Variants in AK4 observed in about 807,000 individuals in gnomAD.
The protein encoded by AK4 is adenylate kinase 4, also known as adenylate kinase 4, mitochondrial.
A neutral mutation model predicts 24.6 loss-of-function variants in AK4; 13 were observed. The ratio of observed to expected loss-of-function variants is 0.53; its 90% CI spans 0.34 to 0.84. The LOEUF is 0.84. Ranked by LOEUF, AK4 falls within the 40% of genes least tolerant of loss-of-function variation. AK4 has a pLI of 0.01. For missense variants in AK4, 192 were observed against 288.2 expected, an observed-to-expected ratio of 0.67 and a Z score of 2.42; for synonymous variants, 88 against 107.0, an observed-to-expected ratio of 0.82 and a Z score of 1.10.
intron 1 of AK4, among the ~76,000 whole-genome samples, chr1:65,168,607 A>G (rs1391111653): frequency 6.6e-6 from 1 of 152,080 alleles, no homozygotes; most frequent in East Asian, 1.9e-4. Flanking sequence ...TCCATATTCT[A>G]TTCTCTTTCT....
At chr1:65,222,796 G>T (rs1204074579) in intron 3 of AK4, among the ~76,000 whole-genome samples, 3 of 152,192 alleles carry the variant, frequency 2.0e-5, no homozygotes, top group Admixed American at 1.3e-4. Flanking sequence ...TTTATAGCCA[G>T]TTTCTGATTA....
chr1:65,175,261 C>T (rs1485246525), intron 1 of AK4, among the ~76,000 whole-genome samples: 1 of 152,206 alleles, frequency 6.6e-6, no homozygotes, highest in Non-Finnish European at 1.5e-5. Context: ...CGCATCAGCT[C>T]TCCCTGTTCC....
intron 2 of AK4, among the ~76,000 whole-genome samples, chr1:65,210,161 G>A (rs1651927442): frequency 6.6e-6 from 1 of 152,094 alleles, no homozygotes; most frequent in Non-Finnish European, 1.5e-5. Context: ...TAGAGCACTT[G>A]CCCTTATGTC....
intron 2 of AK4, among the ~76,000 whole-genome samples, chr1:65,204,259 G>A (rs1250588231): frequency 6.7e-6 from 1 of 150,186 alleles, no homozygotes; most frequent in Non-Finnish European, 1.5e-5. Context: ...GGAGTGCAGT[G>A]GCACAATCTC....
intron 1 of AK4, among the ~76,000 whole-genome samples, chr1:65,150,751 A>G (rs1211007734): frequency 6.6e-6 from 1 of 152,206 alleles, no homozygotes; most frequent in Non-Finnish European, 1.5e-5. Context: ...AAACCCAGGA[A>G]ATAGAACCGT....
chr1:65,218,761 T>C lies in AK4; in HGVS notation c.273T>C (p.Pro91=). The C allele has an allele frequency of 3.8e-6, 6 of 1,581,856 alleles. No homozygotes were observed. Among genetic ancestry groups the C allele is most frequent in the Non-Finnish European group, 5.1e-6 (6 of 1,166,098 alleles). ...RGQHWLLDGF[P]RTLGQAEALD... is the part of the protein sequence containing the mutation. ...TTTGTTCTTTGCATTTAGGTTTTCC[T>C]AGGACATTAGGACAAGCCGAAGCCC... The change falls in exon 3 of 5, where the codon CCT becomes CCC. Residue 91 remains proline (P), a synonymous_variant. Coordinates refer to ENST00000327299, the MANE Select transcript of AK4 (RefSeq NM_013410.4).
rs1420636863 is a variant in AK4, at chr1:65,229,378, TA to T, written c.*3207del. ...ACAAGACTCCATCTCTACGGAAAAGTAAAAAATTAGCCAGTCATGGTGGTGT... is the reference window on the plus strand; with the variant it reads ...ACAAGACTCCATCTCTACGGAAAAGTAAAAATTAGCCAGTCATGGTGGTGT... On this transcript the variant is annotated 3_prime_UTR_variant, in exon 5 of 5. Transcript: ENST00000327299. The T allele has an allele frequency of 6.6e-6, 1 of 151,778 alleles. No homozygotes were observed. Among genetic ancestry groups the T allele is most frequent in the African/African-American group, 2.4e-5 (1 of 41,274 alleles). The allele number at this position is 151,778 out of a possible 1,614,324, so 9.4% of individuals were successfully genotyped here.
intron 2 of AK4, among the ~76,000 whole-genome samples, chr1:65,207,556 T>G (rs1175765277): frequency 6.6e-6 from 1 of 151,640 alleles, no homozygotes; most frequent in Non-Finnish European, 1.5e-5. Context: ...GCTGCTGTTT[T>G]TTTTTTTTTT....
intron 1 of AK4, among the ~76,000 whole-genome samples, chr1:65,153,839 G>A (rs1241162108): frequency 4.6e-5 from 7 of 152,140 alleles, no homozygotes; most frequent in African/African-American, 1.7e-4. Flanking sequence ...GGAACAGCAA[G>A]TGCAAAGGCC....
chr1:65,158,087 G>T (rs1650038092), intron 1 of AK4, among the ~76,000 whole-genome samples: 1 of 152,112 alleles, frequency 6.6e-6, no homozygotes, highest in Non-Finnish European at 1.5e-5. Context: ...TATTGTCAAA[G>T]GAAAGGGTTA....
At chr1:65,188,085 C>T (rs12409392) in intron 1 of AK4, among the ~76,000 whole-genome samples, 12,804 of 152,108 alleles carry the variant, frequency 0.084, 735 homozygotes, top group Admixed American at 0.22. Context: ...GGCAAGGCTT[C>T]TACCTAAATT....
At chr1:65,152,356 C>CTA (rs1649809872) in intron 1 of AK4, among the ~76,000 whole-genome samples, 305 of 33,868 alleles carry the variant, frequency 9.0e-3, no homozygotes, top group African/African-American at 0.024. Flanking sequence ...CTCTCTCTCT[C>CTA]TCTCTATATA....
chr1:65,212,381 C>T (rs957686782), intron 2 of AK4, among the ~76,000 whole-genome samples: 4 of 151,998 alleles, frequency 2.6e-5, no homozygotes, highest in African/African-American at 9.7e-5. Flanking sequence ...ACTGCAACCT[C>T]TGCCTCCTGG....
At chr1:65,215,064 C>T (rs1652084363) in intron 2 of AK4, among the ~76,000 whole-genome samples, 2 of 152,148 alleles carry the variant, frequency 1.3e-5, no homozygotes, top group Admixed American at 6.5e-5. Context: ...ATTAGAAATA[C>T]CCAAGTCCTG....
rs1553122938 is a variant in AK4 at position 65,172,103 on chromosome 1, A to ATATATATATT, written c.146-18606_146-18605insATATATATTT. On this transcript the variant is annotated intron_variant, in intron 1 of 4. Transcript: ENST00000327299. ...TATATATATATATATATATATATAT[A>ATATATATATT]TTTAAACTCATTACACTTCCCAAAT... Among the ~76,000 whole-genome samples the ATATATATATT allele has an allele frequency of 1.7e-3, 196 of 115,488 alleles. 4 individuals are homozygous for ATATATATATT. Among genetic ancestry groups the ATATATATATT allele is most frequent in the Admixed American group, 3.8e-3 (42 of 11,044 alleles). The allele number at this position is 115,488 out of a possible 152,430, so 75.8% of individuals were successfully genotyped here.
intron 2 of AK4, among the ~76,000 whole-genome samples, chr1:65,194,283 T>G (rs1299992196): frequency 1.3e-5 from 2 of 152,222 alleles, no homozygotes; most frequent in Non-Finnish European, 2.9e-5. Flanking sequence ...TCATTGCTCT[T>G]AAGTTTTGCA....
At chr1:65,213,514 G>A (rs1191264309) in intron 2 of AK4, among the ~76,000 whole-genome samples, 1 of 152,112 alleles carries the variant, frequency 6.6e-6, no homozygotes, top group African/African-American at 2.4e-5. Flanking sequence ...ATTAAATGTG[G>A]GTGGATGAGG....
chr1:65,152,467 G>GTC (rs1303824053), intron 1 of AK4, among the ~76,000 whole-genome samples: 1 of 129,444 alleles, frequency 7.7e-6, no homozygotes, highest in Admixed American at 8.9e-5. Context: ...CAGTGGCACA[G>GTC]TCTCGGCTCA....
At chr1:65,202,755 A>G (rs1226896841) in intron 2 of AK4, among the ~76,000 whole-genome samples, 1 of 152,138 alleles carries the variant, frequency 6.6e-6, no homozygotes, top group African/African-American at 2.4e-5. Context: ...ATTATTGTGC[A>G]CTTACAATGC....
Sources: gnomAD v4.1 joint callset for allele counts (sites outside exome capture counted in the v4.1 genomes callset) on GRCh38, gnomAD v4.1.1 for gene constraint, MANE v1.5 for transcripts, NCBI Gene and HGNC (gene_info 2026-07-23, HGNC 2026-07-21) for gene names.